Variants in SLC44A5 observed in about 807,000 individuals in gnomAD.
The protein encoded by SLC44A5 is solute carrier family 44 member 5.
In SLC44A5, 57 loss-of-function variants were observed where a neutral mutation model predicts 101.8. The observed-to-expected ratio is 0.56, with a 90% confidence interval of 0.45 to 0.70. SLC44A5 has a LOEUF of 0.70. Among genes scored for constraint, SLC44A5 ranks in the 30% least tolerant of loss-of-function variants. The pLI, the probability that SLC44A5 is intolerant of heterozygous loss-of-function variation, is 0.00. For missense variants in SLC44A5, 737 were observed against 853.1 expected, an observed-to-expected ratio of 0.86 and a Z score of 1.70; for synonymous variants, 281 against 290.9, an observed-to-expected ratio of 0.97 and a Z score of 0.35.
intron 2 of SLC44A5, among the ~76,000 whole-genome samples, chr1:75,469,096 C>G (rs1023492873): frequency 6.6e-6 from 1 of 152,078 alleles, no homozygotes; most frequent in African/African-American, 2.4e-5. Context: ...GCCTTTTACT[C>G]AACCCAATAT....
intron 1 of SLC44A5, among the ~76,000 whole-genome samples, chr1:75,545,555 A>G (rs1324138599): frequency 3.9e-5 from 6 of 152,224 alleles, no homozygotes; most frequent in Non-Finnish European, 8.8e-5. Context: ...CAGGGATCAT[A>G]CCTCAATTTA....
At position 75,210,212 on chromosome 1, in the gene SLC44A5, A is replaced by AATTT. The variant is rs145757681; in HGVS notation, c.2047+1252_2047+1255dup. 1.0e-3 allele frequency among the ~76,000 whole-genome samples: 154 copies of AATTT among 151,298 alleles called. 1 individual carries two copies. Among genetic ancestry groups the AATTT allele is most frequent in the Middle Eastern group, 3.4e-3 (1 of 294 alleles). ...CAGGTGTGTGCTACCGTGCCTGGCT[A>AATTT]ATTTATTTATTTATTTATTTATTTA... On this transcript the variant is annotated intron_variant, in intron 23 of 23. Transcript: ENST00000370859.
chr1:75,303,438 A>G (rs1654660284), intron 4 of SLC44A5, among the ~76,000 whole-genome samples: 1 of 152,066 alleles, frequency 6.6e-6, no homozygotes, highest in Non-Finnish European at 1.5e-5. Flanking sequence ...GTTTCACCAT[A>G]TTGGCCAGGC....
At chr1:75,542,468 A>G (rs932691177) in intron 1 of SLC44A5, among the ~76,000 whole-genome samples, 1 of 152,112 alleles carries the variant, frequency 6.6e-6, no homozygotes, top group Admixed American at 6.6e-5. Context: ...ATACTGTTGG[A>G]TATTGAGATT....
chr1:75,620,195 G>T, the SLC44A5 span, among the ~76,000 whole-genome samples: 1 of 152,162 alleles, frequency 6.6e-6, no homozygotes, highest in Non-Finnish European at 1.5e-5. Flanking sequence ...GTATTCCATG[G>T]TGTATATGTG....
chr1:75,435,734 T>C (rs1013482166), intron 2 of SLC44A5, among the ~76,000 whole-genome samples: 3 of 152,148 alleles, frequency 2.0e-5, no homozygotes, highest in African/African-American at 7.2e-5. Flanking sequence ...AACAACTGAA[T>C]TCTATACTGC....
chr1:75,619,096 A>AGAAG, the SLC44A5 span, among the ~76,000 whole-genome samples: 84,433 of 117,524 alleles, frequency 0.72, 31,199 homozygotes, highest in East Asian at 0.97. Flanking sequence ...GGGGAAGGAA[A>AGAAG]GAAGGAAGGA....
chr1:75,319,229 C>T (rs1655951540), intron 4 of SLC44A5, among the ~76,000 whole-genome samples: 1 of 152,102 alleles, frequency 6.6e-6, no homozygotes, highest in African/African-American at 2.4e-5. Flanking sequence ...CCTTCCTTTC[C>T]CTACCCCCAA....
the SLC44A5 span, chr1:75,677,941 C>T: frequency 1.6e-4 from 34 of 214,870 alleles, 1 homozygote; most frequent in East Asian, 5.8e-3. Flanking sequence ...GAGGCATTGC[C>T]TCACTTGGGA....
intron 2 of SLC44A5, among the ~76,000 whole-genome samples, chr1:75,407,441 C>T (rs187472993): frequency 1.9e-3 from 282 of 152,202 alleles, no homozygotes; most frequent in African/African-American, 6.2e-3. Context: ...GGAGGCATCA[C>T]GCTACCTGAC....
chr1:75,253,539 GAT>G (rs1292146863), intron 6 of SLC44A5, among the ~76,000 whole-genome samples: 1 of 152,170 alleles, frequency 6.6e-6, no homozygotes, highest in Non-Finnish European at 1.5e-5. Context: ...ACTACTTTGA[GAT>G]CTACAAGTGC....
intron 22 of SLC44A5, 151 bp from the exon 23 acceptor site, chr1:75,211,703 A>C (rs750536693): frequency 3.7e-6 from 2 of 533,772 alleles, no homozygotes. Flanking sequence ...TTCAATGATA[A>C]TGCTTCTGCA....
intron 2 of SLC44A5, chr1:75,522,361 A>ATTTT (rs1463065950): frequency 6.7e-6 from 1 of 149,422 alleles, no homozygotes; most frequent in Admixed American, 6.6e-5. Context: ...TTTTTTTAAA[A>ATTTT]AAAAAAAAAG....
chr1:75,299,757 T>A (rs1654273166), intron 5 of SLC44A5, among the ~76,000 whole-genome samples: 1 of 151,636 alleles, frequency 6.6e-6, no homozygotes, highest in African/African-American at 2.4e-5. Context: ...ATGCCTGTAA[T>A]CCCAGCACTT....
chr1:75,420,851 G>T (rs115719974), intron 2 of SLC44A5, among the ~76,000 whole-genome samples: 1 of 152,142 alleles, frequency 6.6e-6, no homozygotes, highest in African/African-American at 2.4e-5. Context: ...AAGTGAAAAC[G>T]TTTATGTCCC....
At chr1:75,583,387 T>C (rs1332787) in intron 1 of SLC44A5, among the ~76,000 whole-genome samples, 7,041 of 152,234 alleles carry the variant, frequency 0.046, 552 homozygotes, top group African/African-American at 0.16. Context: ...ATGCCCTACA[T>C]GTTTCCTACA....
At chr1:75,480,773 A>G (rs571173176) in intron 2 of SLC44A5, among the ~76,000 whole-genome samples, 161 of 152,328 alleles carry the variant, frequency 1.1e-3, no homozygotes, top group Non-Finnish European at 2.0e-3. Flanking sequence ...CAAATGGAAG[A>G]ACATTCCATG....
chr1:75,375,453 G>C (rs752196989), intron 3 of SLC44A5, among the ~76,000 whole-genome samples: 100 of 152,308 alleles, frequency 6.6e-4, no homozygotes, highest in Middle Eastern at 6.8e-3. Flanking sequence ...TTTTGCGAAA[G>C]AAGTTGACAT....
At chr1:75,719,892 T>C in the SLC44A5 span, among the ~76,000 whole-genome samples, 2 of 152,028 alleles carry the variant, frequency 1.3e-5, no homozygotes, top group Non-Finnish European at 1.5e-5. Flanking sequence ...TCTGGGACCA[T>C]TGCAAAAAAG....
Sources: gnomAD v4.1 joint callset for allele counts (sites outside exome capture counted in the v4.1 genomes callset) on GRCh38, gnomAD v4.1.1 for gene constraint, MANE v1.5 for transcripts, NCBI Gene and HGNC (gene_info 2026-07-23, HGNC 2026-07-21) for gene names.